The following C10orf90 variants were observed in gnomAD, a reference collection of about 807,000 sequenced individuals.
The protein encoded by C10orf90 is chromosome 10 open reading frame 90.
C10orf90 carries 56 observed loss-of-function variants against 62.5 expected under a neutral mutation model. The observed-to-expected ratio is 0.90, with a 90% CI of 0.72 to 1.12. The LOEUF (loss-of-function observed/expected upper bound fraction) is 1.12. C10orf90 is among the 50% of genes most tolerant of loss of function. The pLI is 0.00. For missense variants in C10orf90, 970 were observed against 880.4 expected (o/e 1.10, Z -1.29); for synonymous variants, 386 against 340.4 (o/e 1.13, Z -1.47).
At chr10:126,590,940 C>A (rs979292990) in intron 2 of C10orf90, among the ~76,000 whole-genome samples, 1 of 152,160 alleles carries the variant, frequency 6.6e-6, no homozygotes, top group Non-Finnish European at 1.5e-5. Flanking sequence ...ACTAGAAAAT[C>A]TAGAAGAAAC....
chr10:126,613,761 A>G (rs1344730297), intron 2 of C10orf90, among the ~76,000 whole-genome samples: 1 of 152,216 alleles, frequency 6.6e-6, no homozygotes, highest in Non-Finnish European at 1.5e-5. Flanking sequence ...CGTGACCTTC[A>G]GGTAAAGACT....
intron 2 of C10orf90, among the ~76,000 whole-genome samples, chr10:126,524,315 A>G (rs559839521): frequency 1.8e-3 from 275 of 152,314 alleles, no homozygotes; most frequent in Non-Finnish European, 3.2e-3. Flanking sequence ...TGATGGATAT[A>G]AGCAGTTAGA....
intron 3 of C10orf90, among the ~76,000 whole-genome samples, chr10:126,506,703 A>C (rs12358354): frequency 3.9e-5 from 6 of 152,170 alleles, no homozygotes; most frequent in African/African-American, 1.4e-4. Context: ...CAGACAAGTC[A>C]TGAGGCTGCT....
chr10:126,430,882 G>A (rs907050872), intron 7 of C10orf90, among the ~76,000 whole-genome samples: 28 of 152,264 alleles, frequency 1.8e-4, no homozygotes, highest in Middle Eastern at 3.4e-3. Context: ...AGAATAGACA[G>A]AATTTTCTAG....
In C10orf90 at chr10:126,670,582, C is replaced by T; in HGVS notation, c.-102G>A. The T allele has an allele frequency of 2.5e-6, 1 of 394,248 alleles. No individual in the cohort carries two copies. The highest frequency in any genetic ancestry group is 1.9e-5 in the South Asian group (1 of 52,570). 24.4% of individuals were successfully genotyped at this position (394,248 alleles called of 1,614,324 possible). On this transcript the variant is annotated 5_prime_UTR_variant, in exon 1 of 10. Transcript: ENST00000488181. ...CAACAGGAGGGACTTGGGCAGTGCC[C>T]CAGCTCGGACCTGTCCCAGTGTTTT...
At chr10:126,484,271 C>T (rs955435640) in intron 4 of C10orf90, among the ~76,000 whole-genome samples, 2 of 152,138 alleles carry the variant, frequency 1.3e-5, no homozygotes, top group Non-Finnish European at 2.9e-5. Context: ...CCGCAATTCT[C>T]TAAAAACAAA....
At chr10:126,513,768 C>G (rs1435428618) in intron 3 of C10orf90, 80 bp downstream of exon 3, 23 of 849,202 alleles carry the variant, frequency 2.7e-5, no homozygotes, top group Non-Finnish European at 3.9e-5. Flanking sequence ...AATGCAATCA[C>G]ATCACAAGTA....
At chr10:126,623,839 T>TAA (rs1845692385) in intron 2 of C10orf90, among the ~76,000 whole-genome samples, 1 of 136,634 alleles carries the variant, frequency 7.3e-6, no homozygotes, top group Non-Finnish European at 1.6e-5. Flanking sequence ...AGACTCCATC[T>TAA]CAAAAAAAAA....
chr10:126,510,970 T>A (rs1863071901), intron 3 of C10orf90, among the ~76,000 whole-genome samples: 1 of 152,230 alleles, frequency 6.6e-6, no homozygotes, highest in Non-Finnish European at 1.5e-5. Context: ...GAAACCTGAA[T>A]TTTTCCCCAT....
chr10:126,475,015 C>A (rs1473616538), intron 4 of C10orf90, among the ~76,000 whole-genome samples: 1 of 152,194 alleles, frequency 6.6e-6, no homozygotes, highest in Non-Finnish European at 1.5e-5. Flanking sequence ...TGCATTTGGG[C>A]AGACCAGGTG....
chr10:126,446,074 G>A (rs1384953955), intron 7 of C10orf90, among the ~76,000 whole-genome samples: 1 of 151,566 alleles, frequency 6.6e-6, no homozygotes, highest in East Asian at 1.9e-4. Context: ...TCGAGTGATG[G>A]GTACATCAAA....
At position 126,525,718 on chromosome 10, in the gene C10orf90, G is replaced by T. The variant is rs954268428; in HGVS notation, c.314-11779C>A. Among the ~76,000 whole-genome samples, 6 of 152,260 alleles carry T rather than the reference G, an allele frequency of 3.9e-5. No homozygotes were observed. In the East Asian group the frequency reaches 1.2e-3, roughly 29 times the overall value. On this transcript the variant is annotated intron_variant, in intron 2 of 9. Transcript: ENST00000488181. ...ATGTTCACACCACTGCCATTATCCTGTGTCCCCACTTAGAAACTCAAAGTG... is the reference window on the plus strand; with the variant it reads ...ATGTTCACACCACTGCCATTATCCTTTGTCCCCACTTAGAAACTCAAAGTG...
intron 4 of C10orf90, among the ~76,000 whole-genome samples, chr10:126,466,831 G>A (rs374736528): frequency 6.6e-6 from 1 of 152,206 alleles, no homozygotes; most frequent in Non-Finnish European, 1.5e-5. Context: ...ATTTGGAGAC[G>A]TTTGACTACC....
At chr10:126,655,819 A>T (rs1299411124) in intron 1 of C10orf90, among the ~76,000 whole-genome samples, 1 of 150,242 alleles carries the variant, frequency 6.7e-6, no homozygotes, top group Non-Finnish European at 1.5e-5. Flanking sequence ...TCAAAGCAAC[A>T]GAGACAAAAC....
chr10:126,464,348 GA>G (rs1292491997), intron 5 of C10orf90, among the ~76,000 whole-genome samples: 1 of 152,178 alleles, frequency 6.6e-6, no homozygotes, highest in Non-Finnish European at 1.5e-5. Flanking sequence ...AGTCAACCCA[GA>G]GGACCTGCTG....
At position 126,442,631 on chromosome 10, in the gene C10orf90, GTGTATATATATATATA is replaced by G. The variant is rs1446005456; in HGVS notation, c.2189-12797_2189-12782del. ...GAAGTTCCCTACTATTATTGTGTGT[GTGTATATATATATATA>G]TATATATATATATATATATATATAT... On this transcript the variant is annotated intron_variant, in intron 7 of 9. Transcript: ENST00000488181. Among the ~76,000 whole-genome samples the G allele has an allele frequency of 1.6e-3, 143 of 91,868 alleles. 1 individual carries two copies. The highest frequency in any genetic ancestry group is 6.5e-3 in the African/African-American group (138 of 21,180). The allele number at this position is 91,868 out of a possible 152,430, so 60.3% of individuals were successfully genotyped here. A position where few individuals can be genotyped will look rare whatever the true frequency, so the allele number is the denominator to read the frequency against.
chr10:126,496,538 G>T, intron 4 of C10orf90: 1 of 409,640 alleles, frequency 2.4e-6, no homozygotes, highest in Non-Finnish European at 3.3e-6. Context: ...GACAATACTT[G>T]ATTATTCTTA....
chr10:126,545,743 C>G (rs984172409), intron 2 of C10orf90, among the ~76,000 whole-genome samples: 4 of 152,168 alleles, frequency 2.6e-5, no homozygotes, highest in African/African-American at 7.2e-5. Context: ...GCCCCTCCCC[C>G]TCTTCTCTCT....
chr10:126,561,800 G>C (rs1430010302), intron 2 of C10orf90, among the ~76,000 whole-genome samples: 1 of 152,202 alleles, frequency 6.6e-6, no homozygotes, highest in African/African-American at 2.4e-5. Flanking sequence ...CCCTTTCCCC[G>C]GGCCCCGGGT....
Sources: allele counts gnomAD v4.1 joint callset (sites outside exome capture counted in the v4.1 genomes callset), GRCh38; gene constraint gnomAD v4.1.1; transcripts MANE v1.5; gene names NCBI Gene and HGNC (gene_info 2026-07-23, HGNC 2026-07-21).